Variants in DPP6 observed in about 807,000 individuals in gnomAD.
DPP6 encodes the protein dipeptidyl peptidase like 6.
A neutral mutation model predicts 122.6 loss-of-function variants in DPP6; 69 were observed. The observed-to-expected ratio is 0.56, with a 90% confidence interval of 0.46 to 0.69. The LOEUF (loss-of-function observed/expected upper bound fraction) is 0.69, where lower values mean the gene tolerates loss of function less well. DPP6 is among the 30% of genes least tolerant of loss of function. The pLI, the probability that DPP6 is intolerant of heterozygous loss-of-function variation, is 0.00. For synonymous variants in DPP6, 418 were observed against 433.1 expected (o/e 0.97, Z 0.43); for missense variants, 928 against 1,116.9 (o/e 0.83, Z 2.41).
chr7:153,961,249 C>A (rs559370798), intron 1 of DPP6, among the ~76,000 whole-genome samples: 1 of 150,880 alleles, frequency 6.6e-6, no homozygotes, highest in Admixed American at 6.6e-5. Flanking sequence ...GAACCTGTGG[C>A]AGGAATCCAC....
chr7:154,831,879 T>C (rs926659989), intron 16 of DPP6, among the ~76,000 whole-genome samples: 4 of 152,200 alleles, frequency 2.6e-5, no homozygotes, highest in Admixed American at 2.6e-4. Context: ...AACTGAGCTG[T>C]GTATAGTCAG....
At chr7:153,904,447 C>T (rs1242953551) in intron 1 of DPP6, among the ~76,000 whole-genome samples, 5 of 152,128 alleles carry the variant, frequency 3.3e-5, no homozygotes, top group African/African-American at 4.8e-5. Context: ...ACCAGGACAA[C>T]GGGAGAGGGT....
In DPP6 at chr7:154,081,069, A is replaced by G. The variant is rs572119193; in HGVS notation, c.243+28006A>G. Among the ~76,000 whole-genome samples the G allele has an allele frequency of 3.1e-3, 465 of 151,100 alleles. 3 individuals carry two copies. Among genetic ancestry groups the G allele is most frequent in the African/African-American group, 9.3e-3 (386 of 41,374 alleles). On this transcript the variant is annotated intron_variant, in intron 1 of 25. Coordinates refer to ENST00000377770, the MANE Select transcript of DPP6 (RefSeq NM_130797.4). ...TTGTCAGAATTTTGAGCTATGGCTT[A>G]GGGTATTAAAAAATAGAAAGACAAG...
At chr7:154,885,425 G>A in intron 21 of DPP6, 1 of 618,598 alleles carries the variant, frequency 1.6e-6, no homozygotes, top group Non-Finnish European at 2.7e-6. Flanking sequence ...AAGCGGAGAA[G>A]GCGCACGTCG....
chr7:154,625,273 T>A (rs965827654), intron 5 of DPP6, among the ~76,000 whole-genome samples: 22 of 151,700 alleles, frequency 1.5e-4, no homozygotes, highest in African/African-American at 4.8e-4. Context: ...TTGCCAAGAA[T>A]AAACTAAGCA....
chr7:154,710,856 G>A (rs897706810), intron 7 of DPP6, among the ~76,000 whole-genome samples: 5 of 152,216 alleles, frequency 3.3e-5, no homozygotes, highest in Admixed American at 6.5e-5. Flanking sequence ...AGTAACTTGC[G>A]TATGATCATT....
rs1249578462 is a variant in DPP6, at chr7:153,980,067, T to C, written c.51+92333T>C. Among the ~76,000 whole-genome samples, 5 of 152,308 alleles carry C rather than the reference T, an allele frequency of 3.3e-5. No homozygotes were observed. The South Asian group carries it at 6.2e-4, about 19-fold the overall frequency. The stretch of plus-strand genomic sequence containing the variant: ...GGATGATGCTGGCCTCAAAAATGAG[T>C]TAGGGAGGATTCCCTCTTTTTCTAT... On this transcript the variant is annotated intron_variant, in intron 1 of 25. Coordinates refer to the DPP6 transcript ENST00000404039.
chr7:154,662,551 A>AT lies in DPP6; in HGVS notation c.681-6808dup, dbSNP rs1401170273. Among the ~76,000 whole-genome samples the AT allele has an allele frequency of 2.0e-4, 11 of 56,102 alleles. 1 individual carries two copies. Among genetic ancestry groups the AT allele is most frequent in the African/African-American group, 8.3e-4 (11 of 13,310 alleles). The allele number at this position is 56,102 out of a possible 152,430, so 36.8% of individuals were successfully genotyped here. A position where few individuals can be genotyped will look rare whatever the true frequency, so the allele number is the denominator to read the frequency against. On this transcript the variant is annotated intron_variant, in intron 6 of 25. Coordinates refer to ENST00000377770, the MANE Select transcript of DPP6 (RefSeq NM_130797.4). ...TAGTCATGGTGAATCACCATGGCGT[A>AT]TCAGCCGTAGTGTTCATATAGTCAT...
At chr7:154,469,171 A>C (rs1207019051) in intron 2 of DPP6, among the ~76,000 whole-genome samples, 1 of 151,640 alleles carries the variant, frequency 6.6e-6, no homozygotes. Context: ...TGGTAGCAGA[A>C]AAGAAAGCAT....
intron 1 of DPP6, among the ~76,000 whole-genome samples, chr7:154,061,684 G>C (rs1221890072): frequency 1.4e-5 from 2 of 140,502 alleles, no homozygotes; most frequent in African/African-American, 2.7e-5. Context: ...CTGGCTCTTG[G>C]GACCACCATC....
intron 1 of DPP6, among the ~76,000 whole-genome samples, chr7:154,373,448 G>A (rs1214842552): frequency 6.6e-6 from 1 of 152,208 alleles, no homozygotes; most frequent in Non-Finnish European, 1.5e-5. Context: ...CCTGGCCGCT[G>A]AGGTGCATTT....
At chr7:154,468,553 G>A (rs925411179) in intron 2 of DPP6, among the ~76,000 whole-genome samples, 2 of 152,164 alleles carry the variant, frequency 1.3e-5, no homozygotes, top group Admixed American at 1.3e-4. Context: ...TGAAGTCACA[G>A]GTGCCTAATG....
intron 6 of DPP6, among the ~76,000 whole-genome samples, chr7:154,654,829 G>T (rs1162203035): frequency 6.6e-6 from 1 of 152,076 alleles, no homozygotes; most frequent in Non-Finnish European, 1.5e-5. Flanking sequence ...AAGCATTTAT[G>T]CCCATGAGGA....
chr7:153,849,399 A>T, the DPP6 span, among the ~76,000 whole-genome samples: 1 of 151,964 alleles, frequency 6.6e-6, no homozygotes, highest in Non-Finnish European at 1.5e-5. Flanking sequence ...CTGGGTTCTA[A>T]CTTGGGCCCT....
At chr7:154,238,291 A>G (rs1801349658) in intron 1 of DPP6, among the ~76,000 whole-genome samples, 2 of 152,196 alleles carry the variant, frequency 1.3e-5, no homozygotes, top group Middle Eastern at 3.2e-3. Flanking sequence ...AAATATAAAG[A>G]TACGTACTTT....
intron 1 of DPP6, among the ~76,000 whole-genome samples, chr7:153,945,038 G>C (rs1458133168): frequency 6.6e-6 from 1 of 152,134 alleles, no homozygotes; most frequent in East Asian, 1.9e-4. Context: ...TCCCACAGGT[G>C]TTGGCTTAGG....
At chr7:154,886,979 AGT>A in intron 22 of DPP6, among the ~76,000 whole-genome samples, 1 of 152,376 alleles carries the variant, frequency 6.6e-6, no homozygotes, top group Non-Finnish European at 1.5e-5. Flanking sequence ...CTTCAAATTG[AGT>A]GAGACTTTCT....
chr7:154,130,392 G>T (rs1035480545), intron 1 of DPP6, among the ~76,000 whole-genome samples: 13 of 152,100 alleles, frequency 8.5e-5, no homozygotes, highest in African/African-American at 3.1e-4. Context: ...TAAACTGTAG[G>T]CCGGTTTCCT....
At chr7:154,638,033 A>T (rs1257979771) in intron 6 of DPP6, among the ~76,000 whole-genome samples, 160 bp downstream of exon 6, 1 of 152,142 alleles carries the variant, frequency 6.6e-6, no homozygotes, top group African/African-American at 2.4e-5. Flanking sequence ...TCCCTAGATA[A>T]TGACACTAAG....
Sources: allele counts gnomAD v4.1 joint callset (sites outside exome capture counted in the v4.1 genomes callset), GRCh38; gene constraint gnomAD v4.1.1; transcripts MANE v1.5; gene names NCBI Gene and HGNC (gene_info 2026-07-23, HGNC 2026-07-21).